Variants in ARHGAP35 observed in about 807,000 individuals in gnomAD.
The protein encoded by ARHGAP35 is rho GTPase-activating protein 35.
In ARHGAP35, 15 loss-of-function variants were observed where a neutral mutation model predicts 111.1. That is an observed-to-expected ratio of 0.13 (90% CI 0.09 to 0.21). The LOEUF (loss-of-function observed/expected upper bound fraction) is 0.21. Among genes scored for constraint, ARHGAP35 ranks in the 10% least tolerant of loss-of-function variants. The pLI is 1.00. For synonymous variants in ARHGAP35, 643 were observed against 710.3 expected (o/e 0.91, Z 1.51); for missense variants, 1,262 against 1,873.0 (o/e 0.67, Z 6.02).
intron 3 of ARHGAP35, among the ~76,000 whole-genome samples, chr19:46,940,916 GT>G (rs879470220): frequency 6.6e-6 from 1 of 152,104 alleles, no homozygotes; most frequent in Non-Finnish European, 1.5e-5. Context: ...GGGTATGACA[GT>G]TTATCTGCTG....
At chr19:46,880,850 T>A (rs1463545985) in intron 1 of ARHGAP35, among the ~76,000 whole-genome samples, 1 of 151,450 alleles carries the variant, frequency 6.6e-6, no homozygotes, top group Admixed American at 6.6e-5. Context: ...TAATTTTTGT[T>A]TTTTTTTAAG....
At chr19:46,983,373 G>A (rs1447697742) in intron 3 of ARHGAP35, among the ~76,000 whole-genome samples, 5 of 152,116 alleles carry the variant, frequency 3.3e-5, no homozygotes, top group African/African-American at 7.2e-5. Context: ...GAAAAGGCAC[G>A]AAAGCACTTA....
chr19:46,941,931 A>G (rs1022563604), intron 3 of ARHGAP35, among the ~76,000 whole-genome samples: 1 of 149,732 alleles, frequency 6.7e-6, no homozygotes, highest in Non-Finnish European at 1.5e-5. Flanking sequence ...TTCAATCTGG[A>G]ACACCTTAAT....
At chr19:46,974,237 A>G (rs1486814554) in intron 3 of ARHGAP35, among the ~76,000 whole-genome samples, 1 of 152,190 alleles carries the variant, frequency 6.6e-6, no homozygotes, top group Non-Finnish European at 1.5e-5. Context: ...TTTAATTCTG[A>G]CACTAACTCC....
At position 46,963,752 on chromosome 19, in the gene ARHGAP35, C is replaced by T. The variant is rs144703485; in HGVS notation, c.3827-24237C>T. 8.5e-4 allele frequency among the ~76,000 whole-genome samples: 130 copies of T among 152,324 alleles called. 1 individual carries two copies. The highest frequency in any genetic ancestry group is 2.9e-3 in the African/African-American group (121 of 41,564). ...TTTTCTATCTCCCATGGGACTTAAT[C>T]GGTGTCCTCCACGTAGTATGCTTTA... On this transcript the variant is annotated intron_variant, in intron 3 of 6. Coordinates refer to ENST00000672722, the MANE Select transcript of ARHGAP35 (RefSeq NM_004491.5).
At chr19:46,998,748 G>A (rs1036905814) in intron 5 of ARHGAP35, among the ~76,000 whole-genome samples, 1 of 152,248 alleles carries the variant, frequency 6.6e-6, no homozygotes, top group Admixed American at 6.5e-5. Context: ...AAAAGGGGGT[G>A]CGTAGTTCCT....
chr19:46,892,502 C>T (rs2056030526), intron 1 of ARHGAP35, among the ~76,000 whole-genome samples: 1 of 150,714 alleles, frequency 6.6e-6, no homozygotes, highest in South Asian at 2.1e-4. Context: ...GGTTAATGGA[C>T]CTGTTGGGTG....
chr19:46,910,475 T>C (rs1432587794), intron 1 of ARHGAP35, among the ~76,000 whole-genome samples: 1 of 150,258 alleles, frequency 6.7e-6, no homozygotes, highest in African/African-American at 2.4e-5. Flanking sequence ...TTTTTTTTTG[T>C]ATTTTGGGGT....
chr19:46,967,243 A>G (rs2056520829), intron 3 of ARHGAP35, among the ~76,000 whole-genome samples: 1 of 151,916 alleles, frequency 6.6e-6, no homozygotes, highest in Non-Finnish European at 1.5e-5. Context: ...TGGAAGAAGG[A>G]TTTTCTCACT....
Position 46,921,099 on chromosome 19 carries a change from C to A in ARHGAP35, c.2424C>A (p.Thr808=), listed in dbSNP as rs372676106. 6.2e-7 allele frequency: 1 copy of A among 1,614,014 alleles called. No homozygotes were observed. The highest frequency in any genetic ancestry group is 1.1e-5 in the South Asian group (1 of 91,086). The change falls in exon 2 of 7, where the codon ACC becomes ACA. Residue 808 remains threonine (T), a synonymous_variant. Transcript: ENST00000672722. The surrounding 1 kb of genome is among the most constrained non-coding windows in gnomAD (Gnocchi z 4.3). The part of the protein sequence containing the change: ...DILFPVLQSQ[T]CKSSHCGSNN... ...TTTTTCCTGTCCTTCAGTCCCAAACCTGTAAATCTTCCCATTGTGGAAGCA... is the reference window on the plus strand; with the variant it reads ...TTTTTCCTGTCCTTCAGTCCCAAACATGTAAATCTTCCCATTGTGGAAGCA...
chr19:46,881,841 T>A (rs1053361040), intron 1 of ARHGAP35, among the ~76,000 whole-genome samples: 1 of 152,178 alleles, frequency 6.6e-6, no homozygotes, highest in African/African-American at 2.4e-5. Context: ...CTGTTTTGTC[T>A]ATAGTAGCCA....
chr19:46,958,938 ATTT>A (rs1262385444), intron 3 of ARHGAP35, among the ~76,000 whole-genome samples: 1 of 152,070 alleles, frequency 6.6e-6, no homozygotes, highest in South Asian at 2.1e-4. Flanking sequence ...AATAGGTGAT[ATTT>A]CTGTTTCTCA....
intron 1 of ARHGAP35, among the ~76,000 whole-genome samples, chr19:46,910,115 GATT>G (rs1422160136): frequency 2.0e-5 from 3 of 151,928 alleles, no homozygotes; most frequent in Admixed American, 6.6e-5. Context: ...CGGGGTAAAA[GATT>G]ATTATTATTA....
At position 46,870,350 on chromosome 19, in the gene ARHGAP35, C is replaced by T. The variant is rs182192635; in HGVS notation, c.-189+9141C>T. On this transcript the variant is annotated intron_variant, in intron 1 of 6. Coordinates refer to ENST00000672722, the MANE Select transcript of ARHGAP35 (RefSeq NM_004491.5). ...TCCCCAGCACTTTGGGAGGCCGAGGCGGGTGGATCACGAGGTCAGGAGATC... is the reference window on the plus strand; with the variant it reads ...TCCCCAGCACTTTGGGAGGCCGAGGTGGGTGGATCACGAGGTCAGGAGATC... Among the ~76,000 whole-genome samples the T allele has an allele frequency of 8.1e-3, 1,222 of 151,316 alleles. 8 individuals are homozygous for T. The highest frequency in any genetic ancestry group is 0.027 in the African/African-American group (1,114 of 41,298).
intron 1 of ARHGAP35, among the ~76,000 whole-genome samples, chr19:46,875,119 G>A (rs1352055674): frequency 6.6e-6 from 1 of 151,996 alleles, no homozygotes; most frequent in East Asian, 1.9e-4. Flanking sequence ...GCCCCATTTT[G>A]TGTTGGATAA....
chr19:46,902,587 A>G (rs2122169386), intron 1 of ARHGAP35, among the ~76,000 whole-genome samples: 1 of 152,240 alleles, frequency 6.6e-6, no homozygotes, highest in East Asian at 1.9e-4. Flanking sequence ...GCCTAGCTGT[A>G]CCTTGCTTGG....
chr19:46,988,212 G>A lies in ARHGAP35; in HGVS notation c.3904+146G>A. 2 of 745,664 alleles carry A rather than the reference G, an allele frequency of 2.7e-6. No homozygotes were observed. The highest frequency in any genetic ancestry group is 4.4e-6 in the Non-Finnish European group (2 of 450,814). The allele number at this position is 745,664 out of a possible 1,614,324, so 46.2% of individuals were successfully genotyped here. On this transcript the variant is annotated intron_variant, in intron 4 of 6. Transcript: ENST00000672722. This position sits in a 1 kb window ranked among gnomAD's most constrained non-coding sequence, Gnocchi z 5.4. ...GTGCTGAGACTGAGAAAGAGACCATGTGTGGCTGCAGCGGGGAGGAGGGGA... is the reference window on the plus strand; with the variant it reads ...GTGCTGAGACTGAGAAAGAGACCATATGTGGCTGCAGCGGGGAGGAGGGGA...
intron 1 of ARHGAP35, among the ~76,000 whole-genome samples, chr19:46,863,304 C>T (rs1324885288): frequency 1.3e-5 from 2 of 152,196 alleles, no homozygotes; most frequent in African/African-American, 2.4e-5. Context: ...GTTCTCTCCC[C>T]AGGGATCCTG....
intron 1 of ARHGAP35, among the ~76,000 whole-genome samples, chr19:46,880,857 T>A (rs573586248): frequency 4.6e-5 from 7 of 151,466 alleles, no homozygotes; most frequent in South Asian, 2.1e-4. Context: ...TGTTTTTTTT[T>A]AAGAGATGGA....
Sources: gnomAD v4.1 joint callset for allele counts (sites outside exome capture counted in the v4.1 genomes callset) on GRCh38, gnomAD v4.1.1 for gene constraint, Gnocchi (gnomAD v3.1) non-coding constraint, MANE v1.5 for transcripts, NCBI Gene and HGNC (gene_info 2026-07-23, HGNC 2026-07-21) for gene names.